Variants in SNX18 observed in about 807,000 individuals in gnomAD.
SNX18 encodes the protein sorting nexin 18.
Under a neutral mutation model 48.7 loss-of-function variants are expected in SNX18, and 35 were observed. That is an observed-to-expected ratio of 0.72 (90% confidence interval 0.55 to 0.95). The LOEUF (loss-of-function observed/expected upper bound fraction) is 0.95, where lower values mean the gene tolerates loss of function less well. SNX18 is among the 40% of genes least tolerant of loss of function. The pLI, the probability that SNX18 is intolerant of heterozygous loss-of-function variation, is 0.00. For missense variants in SNX18, 824 were observed against 871.0 expected (o/e 0.95, Z 0.68); for synonymous variants, 492 against 384.7 (o/e 1.28, Z -3.26).
chr5:54,597,070 C>A, the SNX18 span, among the ~76,000 whole-genome samples: 393 of 152,284 alleles, frequency 2.6e-3, 5 homozygotes, highest in Admixed American at 0.017. Context: ...ATTTACCAAG[C>A]AAATGGGAAA....
At chr5:54,621,907 C>T in the SNX18 span, among the ~76,000 whole-genome samples, 1 of 152,304 alleles carries the variant, frequency 6.6e-6, no homozygotes. Flanking sequence ...TTACTGGATA[C>T]CTTCCTCCCA....
chr5:54,585,252 C>G, the SNX18 span, among the ~76,000 whole-genome samples: 1 of 151,110 alleles, frequency 6.6e-6, no homozygotes, highest in Non-Finnish European at 1.5e-5. Flanking sequence ...TTACCATGCT[C>G]CTGCACTCCA....
chr5:54,571,236 C>A, the SNX18 span, among the ~76,000 whole-genome samples: 3 of 152,072 alleles, frequency 2.0e-5, no homozygotes, highest in African/African-American at 7.2e-5. Flanking sequence ...GCCAGGGCAC[C>A]CCTCCCAGTC....
chr5:54,628,035 G>C, the SNX18 span, among the ~76,000 whole-genome samples: 1 of 152,094 alleles, frequency 6.6e-6, no homozygotes, highest in East Asian at 1.9e-4. Flanking sequence ...TCCCAACCAG[G>C]AAAAGATGGC....
At chr5:54,569,147 T>TG in the SNX18 span, among the ~76,000 whole-genome samples, 5 of 151,420 alleles carry the variant, frequency 3.3e-5, no homozygotes, top group Non-Finnish European at 5.9e-5. Context: ...CCAACCACAT[T>TG]TTTTTTTTCC....
intron 1 of SNX18, among the ~76,000 whole-genome samples, chr5:54,534,907 A>G (rs1442178928): frequency 6.6e-6 from 1 of 152,168 alleles, no homozygotes; most frequent in African/African-American, 2.4e-5. Flanking sequence ...CTAGAAAAAA[A>G]TTGGCATTGA....
the SNX18 span, among the ~76,000 whole-genome samples, chr5:54,634,324 A>G: frequency 6.6e-6 from 1 of 152,050 alleles, no homozygotes; most frequent in South Asian, 2.1e-4. Context: ...CTTCTGAGGG[A>G]CCATGACACA....
the SNX18 span, chr5:54,645,743 A>G: frequency 1.6e-3 from 243 of 152,364 alleles, 2 homozygotes; most frequent in African/African-American, 5.6e-3. Context: ...GTGAATTTCA[A>G]AGGATTCAGA....
At chr5:54,570,480 C>CAGT in the SNX18 span, among the ~76,000 whole-genome samples, 1 of 152,198 alleles carries the variant, frequency 6.6e-6, no homozygotes, top group East Asian at 1.9e-4. Context: ...CATAAGTGCA[C>CAGT]AGTATCCATT....
At chr5:54,597,436 A>G in the SNX18 span, among the ~76,000 whole-genome samples, 13 of 152,198 alleles carry the variant, frequency 8.5e-5, no homozygotes, top group Admixed American at 3.3e-4. Flanking sequence ...GAAGGACAGA[A>G]TATACATTCT....
At chr5:54,634,958 C>T in the SNX18 span, among the ~76,000 whole-genome samples, 750 of 152,168 alleles carry the variant, frequency 4.9e-3, 5 homozygotes, top group African/African-American at 0.016. Flanking sequence ...AATAGAACTA[C>T]AAGCTATTGA....
At chr5:54,637,256 A>G in the SNX18 span, among the ~76,000 whole-genome samples, 1 of 152,214 alleles carries the variant, frequency 6.6e-6, no homozygotes, top group Admixed American at 6.5e-5. Flanking sequence ...AAGGAATACA[A>G]ACACAGAACT....
chr5:54,604,647 A>G, the SNX18 span, among the ~76,000 whole-genome samples: 1 of 152,226 alleles, frequency 6.6e-6, no homozygotes, highest in Non-Finnish European at 1.5e-5. Flanking sequence ...TAAATGGTAC[A>G]GAATTTTAGT....
chr5:54,632,458 A>T, the SNX18 span, among the ~76,000 whole-genome samples: 1 of 152,220 alleles, frequency 6.6e-6, no homozygotes, highest in Non-Finnish European at 1.5e-5. Context: ...TCTGTGCACC[A>T]TGGTGGCCTG....
the SNX18 span, among the ~76,000 whole-genome samples, chr5:54,555,339 C>G: frequency 6.6e-6 from 1 of 151,574 alleles, no homozygotes; most frequent in Non-Finnish European, 1.5e-5. Flanking sequence ...TCTTTTCTCT[C>G]CATTTTCCAG....
chr5:54,642,770 C>T, the SNX18 span, among the ~76,000 whole-genome samples: 13 of 152,304 alleles, frequency 8.5e-5, no homozygotes, highest in East Asian at 1.9e-3. Flanking sequence ...GAATGGCCTA[C>T]CATATCAGCA....
the SNX18 span, among the ~76,000 whole-genome samples, chr5:54,620,498 C>G: frequency 6.6e-6 from 1 of 152,322 alleles, no homozygotes; most frequent in African/African-American, 2.4e-5. Context: ...CAAACCCAGC[C>G]AGAAGGCAGA....
At chr5:54,631,507 C>A in the SNX18 span, among the ~76,000 whole-genome samples, 54 of 152,288 alleles carry the variant, frequency 3.5e-4, no homozygotes, top group Admixed American at 7.8e-4. Context: ...GTCCACATGA[C>A]GAGTTTATTC....
the SNX18 span, among the ~76,000 whole-genome samples, chr5:54,591,931 C>G: frequency 6.6e-6 from 1 of 151,016 alleles, no homozygotes; most frequent in Non-Finnish European, 1.5e-5. Context: ...TTGTTTGTTG[C>G]TAACAAATAT....
Sources: gnomAD v4.1 joint callset for allele counts (sites outside exome capture counted in the v4.1 genomes callset) on GRCh38, gnomAD v4.1.1 for gene constraint, MANE v1.5 for transcripts, NCBI Gene and HGNC (gene_info 2026-07-23, HGNC 2026-07-21) for gene names.